Variants in GRIA1 observed in about 807,000 individuals in gnomAD.
GRIA1 encodes the protein glutamate ionotropic receptor AMPA type subunit 1, also known as glutamate receptor 1.
GRIA1 carries 31 observed loss-of-function variants against 99.2 expected under a neutral mutation model. That is an observed-to-expected ratio of 0.31 (90% CI 0.23 to 0.42). The LOEUF (loss-of-function observed/expected upper bound fraction) is 0.42, where lower values mean the gene tolerates loss of function less well. Ranked by LOEUF, GRIA1 falls within the 10% of genes least tolerant of loss-of-function variation. The probability of loss-of-function intolerance (pLI) is 1.00; values close to 1 mark genes in which losing one functional copy is unlikely to be tolerated. For missense variants in GRIA1, 782 were observed against 1,157.5 expected (o/e 0.68, Z 4.71); for synonymous variants, 438 against 432.4 (o/e 1.01, Z -0.16).
chr5:153,779,065 C>T (rs1764467043), intron 13 of GRIA1, among the ~76,000 whole-genome samples: 1 of 152,102 alleles, frequency 6.6e-6, no homozygotes, highest in Non-Finnish European at 1.5e-5. Context: ...TCATTTTAAA[C>T]CAACTGTGCC....
intron 7 of GRIA1, among the ~76,000 whole-genome samples, chr5:153,684,289 T>C (rs1757193337): frequency 6.6e-6 from 1 of 152,160 alleles, no homozygotes; most frequent in South Asian, 2.1e-4. Context: ...GTATCACCAT[T>C]AACAACAATA....
intron 2 of GRIA1, among the ~76,000 whole-genome samples, chr5:153,646,657 A>C (rs566324670): frequency 1.3e-5 from 2 of 152,290 alleles, no homozygotes; most frequent in Admixed American, 6.5e-5. Context: ...TAGATATCTA[A>C]TAAAATTGGA....
intron 13 of GRIA1, among the ~76,000 whole-genome samples, chr5:153,792,585 A>T (rs571719123): frequency 6.6e-6 from 1 of 152,310 alleles, no homozygotes; most frequent in East Asian, 1.9e-4. Context: ...AGGTAACAAA[A>T]CATAGGCAGT....
intron 2 of GRIA1, among the ~76,000 whole-genome samples, chr5:153,507,610 C>A (rs1203812637): frequency 6.6e-6 from 1 of 152,170 alleles, no homozygotes; most frequent in South Asian, 2.1e-4. Context: ...CACTATGACT[C>A]GAGTCTATCC....
chr5:153,597,842 T>TA (rs372705510), intron 2 of GRIA1, among the ~76,000 whole-genome samples: 66,612 of 142,038 alleles, frequency 0.47, 18,311 homozygotes, highest in East Asian at 0.8. Context: ...ACCCCGTCTC[T>TA]AAAAAAAAAA....
chr5:153,544,501 GA>G (rs1469003775), intron 2 of GRIA1, among the ~76,000 whole-genome samples: 1 of 152,140 alleles, frequency 6.6e-6, no homozygotes, highest in Admixed American at 6.5e-5. Context: ...GGTCTATAAT[GA>G]AATGGTTTAT....
At chr5:153,805,401 A>G (rs1419860163) in intron 15 of GRIA1, among the ~76,000 whole-genome samples, 1 of 152,222 alleles carries the variant, frequency 6.6e-6, no homozygotes, top group Admixed American at 6.5e-5. Flanking sequence ...CCAAAGGAGA[A>G]AATCTCTTAC....
chr5:153,767,794 G>A (rs983871294), intron 12 of GRIA1, among the ~76,000 whole-genome samples: 1 of 152,126 alleles, frequency 6.6e-6, no homozygotes, highest in African/African-American at 2.4e-5. Flanking sequence ...TGGGAGCTGC[G>A]GATGATAGGA....
intron 11 of GRIA1, 143 bp from the exon 12 acceptor site, chr5:153,764,291 T>A (rs747916556): frequency 9.6e-5 from 62 of 646,890 alleles, no homozygotes; most frequent in Non-Finnish European, 1.7e-4. Context: ...ACATTTGAAT[T>A]CTCACATCTT....
chr5:153,541,928 CAAAA>C (rs57442019), intron 2 of GRIA1, among the ~76,000 whole-genome samples: 70 of 97,426 alleles, frequency 7.2e-4, no homozygotes, highest in African/African-American at 1.4e-3. Flanking sequence ...GATCCTGTTT[CAAAA>C]AAAAAAAAAA....
intron 13 of GRIA1, among the ~76,000 whole-genome samples, chr5:153,777,038 C>T (rs952710214): frequency 3.9e-5 from 6 of 152,254 alleles, no homozygotes; most frequent in African/African-American, 7.2e-5. Flanking sequence ...GGCATTAAGT[C>T]GATTGCTCTA....
At chr5:153,492,435 C>A in intron 1 of GRIA1, 3 of 903,966 alleles carry the variant, frequency 3.3e-6, no homozygotes, top group Non-Finnish European at 1.5e-6. Flanking sequence ...TCATTCATTG[C>A]AGAGGAGGAG....
chr5:153,563,380 T>G (rs1561644923), intron 2 of GRIA1, among the ~76,000 whole-genome samples: 1 of 152,182 alleles, frequency 6.6e-6, no homozygotes, highest in East Asian at 1.9e-4. Flanking sequence ...ACACCAATTG[T>G]TTCGTTCTCT....
intron 2 of GRIA1, among the ~76,000 whole-genome samples, chr5:153,497,791 C>T (rs563377854): frequency 6.6e-6 from 1 of 152,296 alleles, no homozygotes; most frequent in East Asian, 1.9e-4. Context: ...TAAAGTGCTA[C>T]AAATGCAGAC....
At chr5:153,722,957 G>A (rs1288760995) in intron 11 of GRIA1, among the ~76,000 whole-genome samples, 1 of 152,166 alleles carries the variant, frequency 6.6e-6, no homozygotes, top group Non-Finnish European at 1.5e-5. Flanking sequence ...AAAGTGATGG[G>A]TAAAGCTCAG....
At chr5:153,607,785 A>G (rs1264246322) in intron 2 of GRIA1, among the ~76,000 whole-genome samples, 1 of 152,104 alleles carries the variant, frequency 6.6e-6, no homozygotes, top group East Asian at 1.9e-4. Context: ...TACAGTCGAC[A>G]ATATGGTATT....
At chr5:153,789,119 A>G (rs1052816688) in intron 13 of GRIA1, among the ~76,000 whole-genome samples, 1 of 152,142 alleles carries the variant, frequency 6.6e-6, no homozygotes, top group Admixed American at 6.5e-5. Flanking sequence ...CACCTGCTTC[A>G]ATGTTATTCC....
chr5:153,508,172 G>A (rs911468297), intron 2 of GRIA1, among the ~76,000 whole-genome samples: 1 of 152,204 alleles, frequency 6.6e-6, no homozygotes, highest in African/African-American at 2.4e-5. Context: ...TGGTCAGGGA[G>A]GACAGGCATC....
At chr5:153,511,573 G>A (rs9324748) in intron 2 of GRIA1, among the ~76,000 whole-genome samples, 10,348 of 152,164 alleles carry the variant, frequency 0.068, 1,138 homozygotes, top group African/African-American at 0.23. Flanking sequence ...AACAATCTGG[G>A]GACCCTGAGT....
Sources: allele counts gnomAD v4.1 joint callset (sites outside exome capture counted in the v4.1 genomes callset), GRCh38; gene constraint gnomAD v4.1.1; transcripts MANE v1.5; gene names NCBI Gene and HGNC (gene_info 2026-07-23, HGNC 2026-07-21).